Variants in ZC3H3 observed in about 807,000 individuals in gnomAD.
ZC3H3 encodes the protein zinc finger CCCH domain-containing protein 3.
Under a neutral mutation model 77.3 loss-of-function variants are expected in ZC3H3, and 36 were observed. The observed-to-expected ratio is 0.47, with a 90% confidence interval of 0.36 to 0.61. ZC3H3 has a LOEUF of 0.61. Among genes scored for constraint, ZC3H3 ranks in the 20% least tolerant of loss-of-function variants. The pLI, the probability that ZC3H3 is intolerant of heterozygous loss-of-function variation, is 0.00. For missense variants in ZC3H3, 1,331 were observed against 1,312.2 expected (o/e 1.01, Z -0.22); for synonymous variants, 626 against 555.2 (o/e 1.13, Z -1.79).
chr8:143,534,646 CCCCTCCTCCCCAA>C (rs1822734786), intron 3 of ZC3H3, among the ~76,000 whole-genome samples: 1 of 96,350 alleles, frequency 1.0e-5, no homozygotes, highest in Non-Finnish European at 2.5e-5. Context: ...ACCTCCCCAA[CCCCTCCTCCCCAA>C]GTGACCAGGG....
Position 143,527,682 on chromosome 8 carries a change from G to A in ZC3H3, c.1561+8575C>T, listed in dbSNP as rs117271198. 2.4e-3 allele frequency among the ~76,000 whole-genome samples: 371 copies of A among 152,180 alleles called. 8 individuals are homozygous for A. In the East Asian group the frequency reaches 0.059, roughly 24 times the overall value. ...TCTAACTGCTCTCATGCCCTTTCAC[G>A]GGGTTCACCGCAGTAAAATTGAACA... On this transcript the variant is annotated intron_variant, in intron 3 of 11. Transcript: ENST00000262577.
intron 5 of ZC3H3, among the ~76,000 whole-genome samples, chr8:143,471,308 T>C (rs2956378): frequency 0.57 from 87,173 of 152,190 alleles, 25,317 homozygotes; most frequent in African/African-American, 0.67. Context: ...CGGCAGAGGG[T>C]GCCCCAGAAG....
At chr8:143,517,143 C>G (rs1041667582) in intron 3 of ZC3H3, among the ~76,000 whole-genome samples, 7 of 152,242 alleles carry the variant, frequency 4.6e-5, no homozygotes, top group African/African-American at 1.7e-4. Flanking sequence ...GCTGCTAGTT[C>G]CCGTTAATTA....
chr8:143,485,684 G>A (rs979756918), intron 4 of ZC3H3, among the ~76,000 whole-genome samples: 12 of 152,382 alleles, frequency 7.9e-5, no homozygotes, highest in African/African-American at 2.9e-4. Flanking sequence ...ACCAGATGCC[G>A]TGGAAGAGCA....
At chr8:143,514,433 C>T (rs2130442431) in intron 3 of ZC3H3, among the ~76,000 whole-genome samples, 1 of 152,374 alleles carries the variant, frequency 6.6e-6, no homozygotes, top group South Asian at 2.1e-4. Flanking sequence ...CCAGCGTCCA[C>T]TCGGTGTTAC....
At chr8:143,537,378 C>G (rs35019117) in intron 2 of ZC3H3, among the ~76,000 whole-genome samples, 1 of 152,216 alleles carries the variant, frequency 6.6e-6, no homozygotes, top group Admixed American at 6.5e-5. Flanking sequence ...CCAGGAATGC[C>G]TAAGGAGGCT....
chr8:143,500,064 C>G (rs1821479930), intron 4 of ZC3H3, among the ~76,000 whole-genome samples: 1 of 152,206 alleles, frequency 6.6e-6, no homozygotes. Flanking sequence ...CCAAACCCTT[C>G]GTGGTATGGC....
chr8:143,512,254 G>GCC (rs1563870494), intron 3 of ZC3H3, among the ~76,000 whole-genome samples: 1 of 152,226 alleles, frequency 6.6e-6, no homozygotes, highest in Non-Finnish European at 1.5e-5. Context: ...GGCCAGTCAG[G>GCC]CCCCCCATCC....
chr8:143,456,758 C>T (rs898594479), intron 9 of ZC3H3, among the ~76,000 whole-genome samples: 2 of 152,104 alleles, frequency 1.3e-5, no homozygotes, highest in African/African-American at 4.8e-5. Context: ...GTCCTAGCTA[C>T]TCAGGAGGCT....
intron 4 of ZC3H3, among the ~76,000 whole-genome samples, chr8:143,492,457 C>A (rs1213776459): frequency 6.6e-6 from 1 of 152,196 alleles, no homozygotes; most frequent in African/African-American, 2.4e-5. Flanking sequence ...GCAGCACTGA[C>A]CACAGGACCA....
intron 9 of ZC3H3, among the ~76,000 whole-genome samples, chr8:143,448,470 G>A (rs1819912857): frequency 1.3e-5 from 2 of 152,258 alleles, no homozygotes; most frequent in Admixed American, 1.3e-4. Flanking sequence ...CCTTATGCAA[G>A]TTCAAAACAC....
At chr8:143,478,730 G>A (rs184497410) in intron 4 of ZC3H3, among the ~76,000 whole-genome samples, 87 of 152,282 alleles carry the variant, frequency 5.7e-4, no homozygotes, top group Admixed American at 1.5e-3. Context: ...AGCTGGTCTC[G>A]AACTCCTGAC....
intron 5 of ZC3H3, among the ~76,000 whole-genome samples, chr8:143,470,761 C>T (rs182355579): frequency 2.6e-4 from 40 of 152,354 alleles, no homozygotes; most frequent in Non-Finnish European, 5.4e-4. Flanking sequence ...CTGACAAGAA[C>T]AGGAGGCACT....
chr8:143,468,018 CG>C (rs1332597138), intron 8 of ZC3H3, among the ~76,000 whole-genome samples, 190 bp downstream of exon 8: 2 of 152,176 alleles, frequency 1.3e-5, no homozygotes, highest in Non-Finnish European at 2.9e-5. Flanking sequence ...CGCTGCTTTC[CG>C]GGGAAGAGGA....
chr8:143,513,337 C>T (rs1418113524), intron 3 of ZC3H3, among the ~76,000 whole-genome samples: 2 of 152,152 alleles, frequency 1.3e-5, no homozygotes, highest in East Asian at 1.9e-4. Flanking sequence ...CCCCAGGGAA[C>T]GAGGCAGGCA....
chr8:143,484,706 A>T (rs1376476498), intron 4 of ZC3H3: 2 of 253,294 alleles, frequency 7.9e-6, no homozygotes, highest in African/African-American at 4.6e-5. Context: ...GGGCTGGGTC[A>T]TCGGCCCAGG....
chr8:143,475,366 C>T, intron 5 of ZC3H3, 32 bp downstream of exon 5: 1 of 1,596,044 alleles, frequency 6.3e-7, no homozygotes, highest in Non-Finnish European at 8.5e-7. Flanking sequence ...CGGTCGGTGT[C>T]ATCTCCCAGC....
In ZC3H3 at chr8:143,474,541, G is replaced by A. The variant is rs964696742; in HGVS notation, c.1903+857C>T. On this transcript the variant is annotated intron_variant, in intron 5 of 11. Coordinates refer to ENST00000262577, the MANE Select transcript of ZC3H3 (RefSeq NM_015117.3). Reference sequence around the variant, plus strand: ...GCTAGGAACACAGCCAGGCAGGGCGGCCAGTGAGGCTGGCTTCCAGGGAGG... The same window carrying A: ...GCTAGGAACACAGCCAGGCAGGGCGACCAGTGAGGCTGGCTTCCAGGGAGG... Among the ~76,000 whole-genome samples, 9 of 152,208 alleles carry A rather than the reference G, an allele frequency of 5.9e-5. No individual in the cohort carries two copies. In the South Asian group the frequency reaches 6.2e-4, roughly 10 times the overall value.
chr8:143,466,697 A>G (rs1820417679), intron 8 of ZC3H3, among the ~76,000 whole-genome samples: 1 of 152,120 alleles, frequency 6.6e-6, no homozygotes, highest in South Asian at 2.1e-4. Flanking sequence ...GTCACCGTCC[A>G]GCCTCAGCAT....
Sources: gnomAD v4.1 joint callset for allele counts (sites outside exome capture counted in the v4.1 genomes callset) on GRCh38, gnomAD v4.1.1 for gene constraint, MANE v1.5 for transcripts, NCBI Gene and HGNC (gene_info 2026-07-23, HGNC 2026-07-21) for gene names.